The following FLNB variants were observed in gnomAD, a reference collection of about 807,000 sequenced individuals.
The protein encoded by FLNB is filamin B.
In FLNB, 111 loss-of-function variants were observed where a neutral mutation model predicts 250.6. That is an observed-to-expected ratio of 0.44 (90% CI 0.38 to 0.52). The LOEUF is 0.52. FLNB is among the 20% of genes least tolerant of loss of function. The probability of loss-of-function intolerance (pLI) is 0.00; values close to 1 mark genes in which losing one functional copy is unlikely to be tolerated. For missense variants in FLNB, 2,869 were observed against 3,447.8 expected, an observed-to-expected ratio of 0.83 and a Z score of 4.20; for synonymous variants, 1,302 against 1,372.1, an observed-to-expected ratio of 0.95 and a Z score of 1.13.
At chr3:58,120,867 C>T (rs1331623760) in intron 19 of FLNB, among the ~76,000 whole-genome samples, 1 of 152,186 alleles carries the variant, frequency 6.6e-6, no homozygotes, top group Non-Finnish European at 1.5e-5. Flanking sequence ...TCACCCTGGA[C>T]AAGTTACTTA....
In FLNB at chr3:58,108,381, C is replaced by G. The variant is rs546650249; in HGVS notation, c.1942-77C>G. 5.4e-6 allele frequency: 5 copies of G among 917,916 alleles called. No homozygotes were observed. The Admixed American group carries it at 7.7e-5, about 14-fold the overall frequency. The allele number at this position is 917,916 out of a possible 1,614,324, so 56.9% of individuals were successfully genotyped here. ...AGGTCATTTTGTTCTTCCCCCACCC[C>G]CTGGTTACCTGTCTTTGTATAAGGG... is the stretch of plus-strand genomic sequence containing the variant. On this transcript the variant is annotated intron_variant, in intron 12 of 45. Transcript: ENST00000295956.
chr3:58,166,225 C>T (rs139068418), intron 43 of FLNB: 1 of 152,342 alleles, frequency 6.6e-6, no homozygotes, highest in African/African-American at 2.4e-5. Flanking sequence ...TTTCTCTTTT[C>T]CCACCTCGTC....
chr3:58,160,823 A>G (rs1462561104), intron 42 of FLNB, among the ~76,000 whole-genome samples: 1 of 151,750 alleles, frequency 6.6e-6, no homozygotes, highest in African/African-American at 2.4e-5. Context: ...TCTACAAAAA[A>G]AAGTAAAAAA....
In FLNB at chr3:58,143,293, GA is replaced by G. The variant is rs35408341; in HGVS notation, c.5285-168del. On this transcript the variant is annotated intron_variant, in intron 31 of 45. Transcript: ENST00000295956. ...ATTTTGTGGAAGCCAAATGGAACTGGAAAAAAAAAAAAGAAAAGAGCAAATG... is the reference window on the plus strand; with the variant it reads ...ATTTTGTGGAAGCCAAATGGAACTGGAAAAAAAAAAAGAAAAGAGCAAATG... Among the ~76,000 whole-genome samples, 27,828 of 145,456 alleles carry G rather than the reference GA, an allele frequency of 0.19. 3,276 individuals are homozygous for G. The highest frequency in any genetic ancestry group is 0.35 in the Middle Eastern group (98 of 284).
chr3:58,169,247 T>G lies in FLNB; in HGVS notation c.7418-343T>G. 3.2e-6 allele frequency: 1 copy of G among 309,104 alleles called. No individual in the cohort carries two copies. Among genetic ancestry groups the G allele is most frequent in the Non-Finnish European group, 6.1e-6 (1 of 164,138 alleles). 19.1% of individuals were successfully genotyped at this position (309,104 alleles called of 1,614,324 possible). A position where few individuals can be genotyped will look rare whatever the true frequency, so the allele number is the denominator to read the frequency against. On this transcript the variant is annotated intron_variant, in intron 44 of 45. Transcript: ENST00000295956. This position sits in a 1 kb window ranked among gnomAD's most constrained non-coding sequence, Gnocchi z 4.8. ...ATTTCATTATATGTCATCCCAAACTTTTACACTGCTTATACATAGACTATT... is the reference window on the plus strand; with the variant it reads ...ATTTCATTATATGTCATCCCAAACTGTTACACTGCTTATACATAGACTATT...
intron 28 of FLNB, 129 bp downstream of exon 28, chr3:58,136,297 G>C: frequency 1.2e-6 from 1 of 833,052 alleles, no homozygotes; most frequent in Non-Finnish European, 2.0e-6. Flanking sequence ...ACTTCAGTTT[G>C]ACATAGATTG....
intron 43 of FLNB, chr3:58,163,937 AT>A (rs1466973708): frequency 7.2e-5 from 11 of 152,902 alleles, no homozygotes; most frequent in African/African-American, 2.7e-4. Flanking sequence ...GAAGAAGTAA[AT>A]AAAGTGAGAC....
chr3:58,045,355 C>G (rs1576628481), intron 1 of FLNB, among the ~76,000 whole-genome samples: 1 of 152,218 alleles, frequency 6.6e-6, no homozygotes, highest in Admixed American at 6.5e-5. Context: ...CCAAGACCAT[C>G]TAAAGCAAGC....
Position 58,104,044 on chromosome 3 carries a change from C to T in FLNB, c.1569C>T (p.Tyr523=), listed in dbSNP as rs1029216750. The T allele has an allele frequency of 3.1e-6, 5 of 1,613,908 alleles. No homozygotes were observed. The highest frequency in any genetic ancestry group is 1.3e-5 in the African/African-American group (1 of 74,894). The part of the protein sequence containing the change: ...FEYYPSTPGR[Y]SIAITWGGHH... The stretch of plus-strand genomic sequence containing the variant: ...ATTACCCCAGCACCCCGGGGAGATA[C>T]AGCATTGCCATCACATGGGGGGGAC... The change falls in exon 10 of 46, where the codon TAC becomes TAT. Residue 523 remains tyrosine (Y), a synonymous_variant. Coordinates refer to ENST00000295956, the MANE Select transcript of FLNB (RefSeq NM_001457.4).
chr3:58,170,484 G>A lies in FLNB; in HGVS notation c.7622-91G>A, dbSNP rs1427107417. 4 of 1,309,850 alleles carry A rather than the reference G, an allele frequency of 3.1e-6. No individual in the cohort carries two copies. In the East Asian group the frequency reaches 9.8e-5, roughly 32 times the overall value. The allele number at this position is 1,309,850 out of a possible 1,614,324, so 81.1% of individuals were successfully genotyped here. On this transcript the variant is annotated intron_variant, in intron 45 of 45. Transcript: ENST00000295956. ...CTCTTAGGGGCCCCAGCATTATCGT[G>A]GAAGCACCTTACCTTTGGCTCTCAT...
At chr3:58,098,125 A>G in intron 7 of FLNB, 148 bp downstream of exon 7, 1 of 869,816 alleles carries the variant, frequency 1.1e-6, no homozygotes, top group East Asian at 2.7e-5. Flanking sequence ...GTTATATTAG[A>G]TTTTTCAAAA....
At chr3:58,016,576 G>A (rs1014079634) in intron 1 of FLNB, among the ~76,000 whole-genome samples, 2 of 151,576 alleles carry the variant, frequency 1.3e-5, no homozygotes, top group African/African-American at 4.8e-5. Flanking sequence ...CTTTTTAGAT[G>A]ACAAATCCAA....
At chr3:58,163,811 A>T (rs2097365890) in intron 43 of FLNB, 1 of 162,592 alleles carries the variant, frequency 6.2e-6, no homozygotes, top group African/African-American at 2.4e-5. Context: ...ATCTTAATGG[A>T]GGAGGAGAAA....
chr3:58,067,908 A>C (rs2097188225), intron 1 of FLNB, among the ~76,000 whole-genome samples: 1 of 152,186 alleles, frequency 6.6e-6, no homozygotes, highest in South Asian at 2.1e-4. Flanking sequence ...CAACAAAAAC[A>C]GTTGTGGAAA....
In FLNB at chr3:58,169,458, G is replaced by T; in HGVS notation, c.7418-132G>T. On this transcript the variant is annotated intron_variant, in intron 44 of 45. Coordinates refer to ENST00000295956, the MANE Select transcript of FLNB (RefSeq NM_001457.4). This position sits in a 1 kb window ranked among gnomAD's most constrained non-coding sequence, Gnocchi z 4.8. ...AAGACATTATGGGTGTGAGATACAG[G>T]TGTGGTGGCTTTTGTGTTGGGGTGC... 1.3e-6 allele frequency: 1 copy of T among 748,024 alleles called. No homozygotes were observed. The allele number at this position is 748,024 out of a possible 1,614,324, so 46.3% of individuals were successfully genotyped here.
Position 58,170,713 on chromosome 3 carries a change from G to C in FLNB, c.7760G>C (p.Trp2587Ser), listed in dbSNP as rs144321868. Residue 2587 changes from tryptophan (W) to serine (S), a missense_variant, in exon 46 of 46, where the codon TGG becomes TCG. This residue lies in a region of FLNB where 1,084 missense variants were observed against 1,315.5 expected (regional missense o/e 0.82). Coordinates refer to ENST00000295956, the MANE Select transcript of FLNB (RefSeq NM_001457.4). ...ERGDYVLAVK[W>S]GEEHIPGSPF... ...GGCGATTATGTGCTGGCTGTGAAGTGGGGGGAGGAACACATCCCTGGCAGC... is the reference window on the plus strand; with the variant it reads ...GGCGATTATGTGCTGGCTGTGAAGTCGGGGGAGGAACACATCCCTGGCAGC... The C allele has an allele frequency of 1.5e-5, 24 of 1,613,954 alleles. No individual in the cohort carries two copies. The highest frequency in any genetic ancestry group is 3.3e-5 in the Admixed American group (2 of 60,010).
At chr3:58,078,853 A>T (rs772515705) in intron 3 of FLNB, 39 bp downstream of exon 3, 1 of 1,514,004 alleles carries the variant, frequency 6.6e-7, no homozygotes, top group South Asian at 1.2e-5. Flanking sequence ...GGCTGCCCCC[A>T]CCCACTAGCT....
Position 58,121,450 on chromosome 3 carries a change from G to A in FLNB, c.3073G>A (p.Val1025Met). 1 of 1,614,104 alleles carries A rather than the reference G, an allele frequency of 6.2e-7. No homozygotes were observed. Among genetic ancestry groups the A allele is most frequent in the Middle Eastern group, 1.6e-4 (1 of 6,062 alleles). The stretch of plus-strand genomic sequence containing the variant: ...AGACGTGACCTACGATGGACACCCT[G>A]TGCCCGGGAGCCCCTACACAGTGGA... ...AVDVTYDGHPVPGSPYTVEAS... is the reference protein window; with the variant it reads ...AVDVTYDGHPMPGSPYTVEAS... Residue 1025 changes from valine (V) to methionine (M), a missense_variant, in exon 20 of 46, where the codon GTG (valine) becomes ATG (methionine). Val to Met is a conservative substitution (Grantham distance 21). This residue lies in a region of FLNB where 1,348 missense variants were observed against 1,466.7 expected (regional missense o/e 0.92). Transcript: ENST00000295956.
chr3:58,035,734 G>T (rs147404579), intron 1 of FLNB, among the ~76,000 whole-genome samples: 109 of 152,314 alleles, frequency 7.2e-4, no homozygotes, highest in African/African-American at 2.5e-3. Context: ...CTGCTAGGAG[G>T]AAAGTGGAAG....
Sources: gnomAD v4.1 joint callset for allele counts (sites outside exome capture counted in the v4.1 genomes callset) on GRCh38, gnomAD v4.1.1 for gene constraint, gnomAD v4.1.1 regional missense constraint, Gnocchi (gnomAD v3.1) non-coding constraint, MANE v1.5 for transcripts, NCBI Gene and HGNC (gene_info 2026-07-23, HGNC 2026-07-21) for gene names.